The following HS6ST3 variants were observed in gnomAD, a reference collection of about 807,000 sequenced individuals.
HS6ST3 encodes heparan-sulfate 6-O-sulfotransferase 3.
Under a neutral mutation model 36.7 loss-of-function variants are expected in HS6ST3, and 12 were observed. That is an observed-to-expected ratio of 0.33 (90% confidence interval 0.21 to 0.53). The LOEUF is 0.53. HS6ST3 is among the 20% of genes least tolerant of loss of function. The pLI is 0.95. For missense variants in HS6ST3, 584 were observed against 640.9 expected (o/e 0.91, Z 0.96); for synonymous variants, 240 against 257.5 (o/e 0.93, Z 0.65).
At chr13:96,496,961 G>C (rs774903389) in intron 1 of HS6ST3, among the ~76,000 whole-genome samples, 3 of 152,118 alleles carry the variant, frequency 2.0e-5, no homozygotes, top group South Asian at 2.1e-4. Context: ...CTGCCCCGGT[G>C]GTGGTGCTTA....
At chr13:96,333,193 G>A (rs2055081385) in intron 1 of HS6ST3, among the ~76,000 whole-genome samples, 1 of 152,198 alleles carries the variant, frequency 6.6e-6, no homozygotes, top group Non-Finnish European at 1.5e-5. Flanking sequence ...GGAAATGCAG[G>A]CATGTTGCTG....
intron 1 of HS6ST3, among the ~76,000 whole-genome samples, chr13:96,123,313 A>G (rs2053935054): frequency 6.6e-6 from 1 of 152,210 alleles, no homozygotes; most frequent in Non-Finnish European, 1.5e-5. Context: ...GAGTATTCTT[A>G]AATAATGGAG....
chr13:96,321,133 G>T (rs55734293), intron 1 of HS6ST3, among the ~76,000 whole-genome samples: 1 of 150,008 alleles, frequency 6.7e-6, no homozygotes, highest in African/African-American at 2.5e-5. Context: ...TTTTTTAAAA[G>T]AAGTAAGTTA....
chr13:96,672,390 A>G (rs1258197053), intron 1 of HS6ST3, among the ~76,000 whole-genome samples: 3 of 152,236 alleles, frequency 2.0e-5, no homozygotes, highest in Middle Eastern at 3.4e-3. Context: ...CATTCTCCCA[A>G]TATTTCAAAC....
intron 1 of HS6ST3, among the ~76,000 whole-genome samples, chr13:96,689,622 T>TTTTTGG (rs1874886448): frequency 6.7e-6 from 1 of 148,238 alleles, no homozygotes; most frequent in Admixed American, 6.8e-5. Context: ...TTTTTTTTTT[T>TTTTTGG]GGTGATTGTA....
chr13:96,677,058 G>T lies in HS6ST3; in HGVS notation c.708-155432G>T, dbSNP rs145281460. On this transcript the variant is annotated intron_variant, in intron 1 of 1. Coordinates refer to ENST00000376705, the MANE Select transcript of HS6ST3 (RefSeq NM_153456.4). ...GTGTGCAGCAAATCTTTGTGGTAGA[G>T]CAAGGGTCATCTCTATGAGTGGTTG... 5.1e-3 allele frequency among the ~76,000 whole-genome samples: 775 copies of T among 152,220 alleles called. 6 individuals are homozygous for T. Among genetic ancestry groups the T allele is most frequent in the Middle Eastern group, 0.027 (8 of 294 alleles).
chr13:96,495,948 T>G (rs1057464554), intron 1 of HS6ST3, among the ~76,000 whole-genome samples: 2 of 152,210 alleles, frequency 1.3e-5, no homozygotes, highest in African/African-American at 4.8e-5. Flanking sequence ...GTGAGCAGCA[T>G]GCTCTGGCAC....
At position 96,765,052 on chromosome 13, in the gene HS6ST3, G is replaced by GTTTC. The variant is rs1232338190; in HGVS notation, c.708-67430_708-67427dup. Among the ~76,000 whole-genome samples the GTTTC allele has an allele frequency of 7.4e-5, 10 of 134,948 alleles. 1 individual carries two copies. The highest frequency in any genetic ancestry group is 1.4e-4 in the African/African-American group (5 of 36,794). The allele number at this position is 134,948 out of a possible 152,430, so 88.5% of individuals were successfully genotyped here. On this transcript the variant is annotated intron_variant, in intron 1 of 1. Transcript: ENST00000376705. ...TTGCACTTGCCATATTTCTTTCTTT[G>GTTTC]TTTCTTTCTTTTTTTTTTTTTTTTT...
chr13:96,118,419 C>T (rs1566886327), intron 1 of HS6ST3, among the ~76,000 whole-genome samples: 1 of 151,890 alleles, frequency 6.6e-6, no homozygotes, highest in African/African-American at 2.4e-5. Flanking sequence ...GCCTCTAGAA[C>T]TGTGGGAGAT....
chr13:96,285,927 T>C (rs2054799852), intron 1 of HS6ST3, among the ~76,000 whole-genome samples: 1 of 143,674 alleles, frequency 7.0e-6, no homozygotes, highest in Admixed American at 7.0e-5. Flanking sequence ...CTTTCCCTCC[T>C]TCCCTCCCTC....
chr13:96,394,576 T>G (rs2389664), intron 1 of HS6ST3, among the ~76,000 whole-genome samples: 2 of 151,864 alleles, frequency 1.3e-5, no homozygotes, highest in African/African-American at 4.8e-5. Flanking sequence ...TTTAGAGGTG[T>G]TATGGACCGT....
At chr13:96,398,999 G>C (rs2055435755) in intron 1 of HS6ST3, among the ~76,000 whole-genome samples, 1 of 152,178 alleles carries the variant, frequency 6.6e-6, no homozygotes, top group Non-Finnish European at 1.5e-5. Context: ...CAACTTTTGA[G>C]ACCCTGAGCA....
At chr13:96,314,352 C>T (rs1024897269) in intron 1 of HS6ST3, among the ~76,000 whole-genome samples, 6 of 152,134 alleles carry the variant, frequency 3.9e-5, no homozygotes, top group East Asian at 3.8e-4. Flanking sequence ...GTTATCTATA[C>T]GCTTTACTAA....
At chr13:96,094,766 C>T (rs2053781874) in intron 1 of HS6ST3, among the ~76,000 whole-genome samples, 1 of 152,162 alleles carries the variant, frequency 6.6e-6, no homozygotes, top group Non-Finnish European at 1.5e-5. Context: ...GAATCCAGCA[C>T]AGAGGTAACT....
intron 1 of HS6ST3, among the ~76,000 whole-genome samples, chr13:96,626,450 A>G (rs2056512804): frequency 1.3e-5 from 2 of 152,248 alleles, no homozygotes; most frequent in South Asian, 4.1e-4. Context: ...AAAGCTCTCA[A>G]TTTTGCTTCA....
At chr13:96,278,230 A>G (rs1566309676) in intron 1 of HS6ST3, among the ~76,000 whole-genome samples, 3 of 152,132 alleles carry the variant, frequency 2.0e-5, no homozygotes, top group Non-Finnish European at 4.4e-5. Flanking sequence ...TCCACATACA[A>G]GCGCTTTTTG....
At chr13:96,744,276 T>G (rs1876511692) in intron 1 of HS6ST3, among the ~76,000 whole-genome samples, 1 of 152,074 alleles carries the variant, frequency 6.6e-6, no homozygotes, top group Admixed American at 6.6e-5. Flanking sequence ...TTGCATGCAA[T>G]GTTTATTTTT....
intron 1 of HS6ST3, among the ~76,000 whole-genome samples, chr13:96,272,894 C>T (rs910495111): frequency 1.3e-5 from 2 of 151,846 alleles, no homozygotes; most frequent in African/African-American, 2.4e-5. Context: ...ATACTAAGTG[C>T]GTGAAGCTTC....
intron 1 of HS6ST3, among the ~76,000 whole-genome samples, chr13:96,661,721 G>A (rs1051956153): frequency 1.3e-5 from 2 of 152,120 alleles, no homozygotes; most frequent in African/African-American, 4.8e-5. Context: ...GTGTTTTTAT[G>A]ATGGTGAGTT....
Sources: gnomAD v4.1 joint callset for allele counts (sites outside exome capture counted in the v4.1 genomes callset) on GRCh38, gnomAD v4.1.1 for gene constraint, MANE v1.5 for transcripts, NCBI Gene and HGNC (gene_info 2026-07-23, HGNC 2026-07-21) for gene names.